Variants in ZCCHC24 observed in about 807,000 individuals in gnomAD.
ZCCHC24 encodes the protein zinc finger CCHC-type containing 24.
In ZCCHC24, 10 loss-of-function variants were observed where a neutral mutation model predicts 26.2. The observed-to-expected ratio is 0.38, with a 90% CI of 0.24 to 0.65. The LOEUF is 0.65. Among genes scored for constraint, ZCCHC24 ranks in the 30% least tolerant of loss-of-function variants. The pLI is 0.54. For synonymous variants in ZCCHC24, 144 were observed against 147.1 expected, an observed-to-expected ratio of 0.98 and a Z score of 0.15; for missense variants, 243 against 329.1, an observed-to-expected ratio of 0.74 and a Z score of 2.03.
At chr10:79,393,890 A>G (rs1380221355) in intron 3 of ZCCHC24, among the ~76,000 whole-genome samples, 3 of 151,744 alleles carry the variant, frequency 2.0e-5, no homozygotes, top group South Asian at 2.1e-4. Context: ...CTGAGGTAAG[A>G]CCTTCCTAGG....
chr10:79,419,096 A>G (rs1389186868), intron 2 of ZCCHC24, among the ~76,000 whole-genome samples: 1 of 152,206 alleles, frequency 6.6e-6, no homozygotes, highest in Non-Finnish European at 1.5e-5. Context: ...GGGGTGGGTC[A>G]GGGAGAAGGA....
intron 2 of ZCCHC24, among the ~76,000 whole-genome samples, chr10:79,430,681 A>AC (rs201260913): frequency 0.18 from 22,865 of 126,236 alleles, 1,846 homozygotes; most frequent in African/African-American, 0.23. Context: ...ACTCACACAC[A>AC]CACACCACAC....
chr10:79,403,523 C>T (rs1324759265), intron 2 of ZCCHC24: 4 of 985,326 alleles, frequency 4.1e-6, no homozygotes, highest in Non-Finnish European at 3.6e-6. Flanking sequence ...AGGAAGCAGG[C>T]GGTCAGAGGG....
At chr10:79,401,163 C>A (rs4543925) in intron 2 of ZCCHC24, among the ~76,000 whole-genome samples, 1 of 152,146 alleles carries the variant, frequency 6.6e-6, no homozygotes, top group Non-Finnish European at 1.5e-5. Flanking sequence ...GATGCACGGC[C>A]TCTGCCCTCT....
chr10:79,393,986 A>G (rs951672591), intron 3 of ZCCHC24, among the ~76,000 whole-genome samples: 6 of 152,202 alleles, frequency 3.9e-5, no homozygotes, highest in Admixed American at 2.6e-4. Context: ...GGATCAAGGA[A>G]GGAAATTTGA....
chr10:79,435,009 C>T (rs1400636449), intron 1 of ZCCHC24, among the ~76,000 whole-genome samples: 3 of 152,034 alleles, frequency 2.0e-5, no homozygotes, highest in Non-Finnish European at 4.4e-5. Flanking sequence ...AGGGTCTCCC[C>T]TTATCTTGAC....
chr10:79,433,652 C>T (rs1857168565), intron 1 of ZCCHC24, among the ~76,000 whole-genome samples: 1 of 152,222 alleles, frequency 6.6e-6, no homozygotes, highest in East Asian at 1.9e-4. Flanking sequence ...CAAATCTGGG[C>T]TTGGGGCTTA....
At chr10:79,428,554 C>T (rs534509176) in intron 2 of ZCCHC24, among the ~76,000 whole-genome samples, 35 of 151,830 alleles carry the variant, frequency 2.3e-4, no homozygotes, top group African/African-American at 8.2e-4. Flanking sequence ...TTTAATGCCA[C>T]GAACCGTAAG....
At position 79,386,004 on chromosome 10, in the gene ZCCHC24, G is replaced by C. The variant is rs1856386499; in HGVS notation, c.*341C>G. ...TTAGTGCACCTGTGGCCAATACAAG[G>C]CTGCTCACCCCAAAGAGGCTCTCAG... On this transcript the variant is annotated 3_prime_UTR_variant, in exon 4 of 4. Transcript: ENST00000372336. The C allele has an allele frequency of 2.0e-6, 1 of 489,492 alleles. No individual in the cohort carries two copies. The highest frequency in any genetic ancestry group is 2.9e-5 in the East Asian group (1 of 34,092). The allele number at this position is 489,492 out of a possible 1,614,324, so 30.3% of individuals were successfully genotyped here.
chr10:79,427,353 C>A (rs1857044433), intron 2 of ZCCHC24, among the ~76,000 whole-genome samples: 1 of 152,172 alleles, frequency 6.6e-6, no homozygotes, highest in African/African-American at 2.4e-5. Flanking sequence ...TAACAGACAT[C>A]TATAAAACAC....
At chr10:79,394,701 G>A (rs941872) in intron 2 of ZCCHC24, 768,851 of 932,482 alleles carry the variant, frequency 0.82, 317,272 homozygotes, top group East Asian at 0.92. Flanking sequence ...AGATTTAAGG[G>A]GTAAAGTACT....
chr10:79,401,626 T>C (rs1278508716), intron 2 of ZCCHC24, among the ~76,000 whole-genome samples: 1 of 152,130 alleles, frequency 6.6e-6, no homozygotes, highest in African/African-American at 2.4e-5. Context: ...GCTGGGGGCA[T>C]CCCTCCCCAT....
intron 3 of ZCCHC24, among the ~76,000 whole-genome samples, chr10:79,393,502 G>A (rs895072984): frequency 2.6e-5 from 4 of 152,164 alleles, no homozygotes; most frequent in Non-Finnish European, 5.9e-5. Context: ...CCAGAGTTCA[G>A]TCCCCTCCCA....
chr10:79,396,395 C>T (rs543168144), intron 2 of ZCCHC24, among the ~76,000 whole-genome samples: 50 of 152,312 alleles, frequency 3.3e-4, no homozygotes, highest in Admixed American at 9.2e-4. Flanking sequence ...CACAGAAATA[C>T]GACCACACTG....
At chr10:79,402,832 T>C (rs1856655038) in intron 2 of ZCCHC24, among the ~76,000 whole-genome samples, 2 of 152,320 alleles carry the variant, frequency 1.3e-5, no homozygotes, top group South Asian at 4.1e-4. Context: ...GGCCTCTCCG[T>C]GAGACGGTTG....
intron 2 of ZCCHC24, among the ~76,000 whole-genome samples, chr10:79,408,466 A>G (rs997792374): frequency 1.9e-4 from 29 of 152,256 alleles, no homozygotes; most frequent in African/African-American, 5.5e-4. Flanking sequence ...TGGAGCACCA[A>G]TCACCACGTG....
At chr10:79,389,502 G>T (rs200161986) in intron 3 of ZCCHC24, among the ~76,000 whole-genome samples, 1 of 148,992 alleles carries the variant, frequency 6.7e-6, no homozygotes, top group East Asian at 2.0e-4. Context: ...TGGGTGAGAG[G>T]TTAATAACAT....
Position 79,383,549 on chromosome 10 carries a change from T to C in ZCCHC24, c.*2796A>G, listed in dbSNP as rs910715695. On this transcript the variant is annotated 3_prime_UTR_variant, in exon 4 of 4. Transcript: ENST00000372336. ...ATCTTTGTTTGATATTCTCTTGCCC[T>C]CCTGAAAGTTCTGAAATTTTGAAAA... 6.6e-6 allele frequency: 1 copy of C among 152,462 alleles called. No individual in the cohort carries two copies. The highest frequency in any genetic ancestry group is 1.9e-4 in the East Asian group (1 of 5,324). The allele number at this position is 152,462 out of a possible 1,614,324, so 9.4% of individuals were successfully genotyped here. A position where few individuals can be genotyped will look rare whatever the true frequency, so the allele number is the denominator to read the frequency against.
At chr10:79,438,089 G>A (rs1857239432) in intron 1 of ZCCHC24, among the ~76,000 whole-genome samples, 1 of 152,290 alleles carries the variant, frequency 6.6e-6, no homozygotes, top group African/African-American at 2.4e-5. Flanking sequence ...AGCAAGGGCT[G>A]AGTCCTGCTC....
Sources: allele counts gnomAD v4.1 joint callset (sites outside exome capture counted in the v4.1 genomes callset), GRCh38; gene constraint gnomAD v4.1.1; transcripts MANE v1.5; gene names NCBI Gene and HGNC (gene_info 2026-07-23, HGNC 2026-07-21).